The following TNKS variants were observed in gnomAD, a reference collection of about 807,000 sequenced individuals.
TNKS encodes poly [ADP-ribose] polymerase tankyrase-1.
A neutral mutation model predicts 135.8 loss-of-function variants in TNKS; 72 were observed. The ratio of observed to expected loss-of-function variants is 0.53; its 90% confidence interval spans 0.44 to 0.64. The LOEUF (loss-of-function observed/expected upper bound fraction) is 0.64. Ranked by LOEUF, TNKS falls within the 30% of genes least tolerant of loss-of-function variation. The probability of loss-of-function intolerance (pLI) is 0.00; values close to 1 mark genes in which losing one functional copy is unlikely to be tolerated. For synonymous variants in TNKS, 849 were observed against 649.3 expected (o/e 1.31, Z -4.68); for missense variants, 1,769 against 1,674.0 (o/e 1.06, Z -0.99).
intron 20 of TNKS, among the ~76,000 whole-genome samples, chr8:9,757,661 C>T (rs1418451235): frequency 6.6e-6 from 1 of 152,186 alleles, no homozygotes; most frequent in African/African-American, 2.4e-5. Flanking sequence ...CATTGACCCA[C>T]TTTTTGTTTC....
chr8:9,736,233 G>A (rs532173260), intron 17 of TNKS, among the ~76,000 whole-genome samples: 28 of 151,070 alleles, frequency 1.9e-4, no homozygotes, highest in African/African-American at 5.1e-4. Context: ...AAAAATATTC[G>A]AGTAGCAGGC....
At chr8:9,597,777 G>T (rs1226171933) in intron 2 of TNKS, among the ~76,000 whole-genome samples, 2 of 152,110 alleles carry the variant, frequency 1.3e-5, no homozygotes, top group Non-Finnish European at 2.9e-5. Context: ...AACCCACTAG[G>T]AATGAGACAA....
chr8:9,672,679 C>CAT (rs1404489190), intron 3 of TNKS, among the ~76,000 whole-genome samples: 4 of 88,386 alleles, frequency 4.5e-5, no homozygotes, highest in African/African-American at 1.3e-4. Flanking sequence ...AAAAAAAACA[C>CAT]ATACACACAC....
At chr8:9,758,628 G>C (rs1203421599) in intron 20 of TNKS, among the ~76,000 whole-genome samples, 1 of 152,154 alleles carries the variant, frequency 6.6e-6, no homozygotes, top group Non-Finnish European at 1.5e-5. Context: ...CTGTCCTGAA[G>C]CTGCAGTAAA....
intron 2 of TNKS, among the ~76,000 whole-genome samples, chr8:9,583,604 T>G (rs1306291096): frequency 6.6e-6 from 1 of 151,938 alleles, no homozygotes; most frequent in Non-Finnish European, 1.5e-5. Context: ...TTCTCCTGCC[T>G]CAGCCTCCCA....
At chr8:9,736,279 A>G (rs1805699459) in intron 17 of TNKS, among the ~76,000 whole-genome samples, 1 of 143,930 alleles carries the variant, frequency 6.9e-6, no homozygotes. Context: ...GCCATTCGGG[A>G]GGCTGAGGTG....
chr8:9,622,043 C>G (rs969772904), intron 3 of TNKS, among the ~76,000 whole-genome samples: 28 of 152,076 alleles, frequency 1.8e-4, no homozygotes, highest in African/African-American at 6.8e-4. Context: ...ATAGTTTAAT[C>G]TTGTATAATT....
At chr8:9,566,854 C>T (rs376248693) in intron 1 of TNKS, among the ~76,000 whole-genome samples, 6 of 151,354 alleles carry the variant, frequency 4.0e-5, no homozygotes, top group East Asian at 3.9e-4. Context: ...ATGATCCACC[C>T]GCCTCGGCCT....
chr8:9,656,207 C>T (rs186250590), intron 3 of TNKS, among the ~76,000 whole-genome samples: 127 of 152,100 alleles, frequency 8.3e-4, no homozygotes, highest in African/African-American at 2.8e-3. Context: ...AGAAAAGAAA[C>T]GAACAAAGCC....
intron 5 of TNKS, among the ~76,000 whole-genome samples, chr8:9,693,716 C>T (rs548239252): frequency 6.6e-6 from 1 of 152,212 alleles, no homozygotes; most frequent in South Asian, 2.1e-4. Flanking sequence ...CACATGAGTT[C>T]AGAGAGGTAG....
chr8:9,565,492 A>G (rs1797489677), intron 1 of TNKS, among the ~76,000 whole-genome samples: 1 of 152,178 alleles, frequency 6.6e-6, no homozygotes, highest in African/African-American at 2.4e-5. Flanking sequence ...GTCCAAACTG[A>G]ACAAAATTTG....
intron 3 of TNKS, among the ~76,000 whole-genome samples, chr8:9,651,512 G>A (rs1801146800): frequency 1.3e-5 from 2 of 152,220 alleles, no homozygotes; most frequent in South Asian, 4.2e-4. Flanking sequence ...ACTTAGAAGG[G>A]GCTTCTTGTA....
intron 25 of TNKS, among the ~76,000 whole-genome samples, chr8:9,769,543 G>T (rs1183286211): frequency 2.7e-5 from 4 of 150,576 alleles, no homozygotes; most frequent in Non-Finnish European, 5.9e-5. Flanking sequence ...ACCCATCCAT[G>T]CAAGGGCTCA....
At chr8:9,598,747 A>G (rs760292309) in intron 2 of TNKS, among the ~76,000 whole-genome samples, 3,625 of 107,552 alleles carry the variant, frequency 0.034, 235 homozygotes, top group African/African-American at 0.11. Context: ...GTGTGTGTAT[A>G]TATGTATATG....
intron 1 of TNKS, among the ~76,000 whole-genome samples, chr8:9,571,115 C>G (rs1797740394): frequency 6.6e-6 from 1 of 152,152 alleles, no homozygotes; most frequent in Non-Finnish European, 1.5e-5. Flanking sequence ...ACCTTTTCCT[C>G]CCTACTGTGG....
chr8:9,564,801 G>C (rs1349992712), intron 1 of TNKS, among the ~76,000 whole-genome samples: 1 of 152,232 alleles, frequency 6.6e-6, no homozygotes, highest in Admixed American at 6.5e-5. Flanking sequence ...GTTAAGATAA[G>C]ATGGGTTGGA....
At chr8:9,764,655 C>T in intron 22 of TNKS, 61 bp from the exon 23 acceptor site, 1 of 1,299,574 alleles carries the variant, frequency 7.7e-7, no homozygotes, top group Non-Finnish European at 1.1e-6. Flanking sequence ...ATTTTAGACT[C>T]ATCATTGTCT....
At chr8:9,695,038 T>C (rs1434336677) in intron 5 of TNKS, among the ~76,000 whole-genome samples, 1 of 152,194 alleles carries the variant, frequency 6.6e-6, no homozygotes, top group East Asian at 1.9e-4. Context: ...ATTTGTGAGA[T>C]AACAACATAT....
chr8:9,717,101 A>ATATATATATATATATTTTTTTTT (rs1454492300), intron 11 of TNKS, among the ~76,000 whole-genome samples: 1 of 119,336 alleles, frequency 8.4e-6, no homozygotes, highest in African/African-American at 2.9e-5. Context: ...ATATATATAT[A>ATATATATATATATATTTTTTTTT]TTTTCAGGGA....
Sources: allele counts gnomAD v4.1 joint callset (sites outside exome capture counted in the v4.1 genomes callset), GRCh38; gene constraint gnomAD v4.1.1; transcripts MANE v1.5; gene names NCBI Gene and HGNC (gene_info 2026-07-23, HGNC 2026-07-21).